LARGE1: variants seen among roughly 807,000 people sequenced by gnomAD.
LARGE1 encodes LARGE xylosyl- and glucuronyltransferase 1, also known as xylosyl- and glucuronyltransferase LARGE1.
In LARGE1, 43 loss-of-function variants were observed where a neutral mutation model predicts 87.6. That is an observed-to-expected ratio of 0.49 (90% CI 0.38 to 0.63). LARGE1 has a LOEUF of 0.63. Ranked by LOEUF, LARGE1 falls within the 30% of genes least tolerant of loss-of-function variation. The pLI is 0.00. For missense variants in LARGE1, 802 were observed against 1,000.2 expected (o/e 0.80, Z 2.67); for synonymous variants, 434 against 394.6 (o/e 1.10, Z -1.18).
At chr22:33,654,096 A>G (rs2080894183) in intron 2 of LARGE1, among the ~76,000 whole-genome samples, 1 of 152,144 alleles carries the variant, frequency 6.6e-6, no homozygotes, top group Admixed American at 6.5e-5. Context: ...AATGGTTTTA[A>G]CCAAATTTAA....
chr22:33,784,955 A>G (rs973480952), intron 1 of LARGE1, among the ~76,000 whole-genome samples: 10 of 151,374 alleles, frequency 6.6e-5, no homozygotes, highest in African/African-American at 2.2e-4. Flanking sequence ...ATACATGTGT[A>G]CATGGGTATA....
In LARGE1 at chr22:33,735,423, A is replaced by G. The variant is rs146317445; in HGVS notation, c.106+25948T>C. 1.1e-3 allele frequency among the ~76,000 whole-genome samples: 167 copies of G among 152,130 alleles called. 1 individual carries two copies. The highest frequency in any genetic ancestry group is 3.8e-3 in the African/African-American group (156 of 41,520). On this transcript the variant is annotated intron_variant, in intron 2 of 14. Coordinates refer to ENST00000397394, the MANE Select transcript of LARGE1 (RefSeq NM_133642.5). ...GCACACCTTAATAAACTTCTGTTTG[A>G]TTTTCTCCTGTTAATCTATCTTTTG...
intron 1 of LARGE1, among the ~76,000 whole-genome samples, chr22:33,786,122 C>T (rs981722115): frequency 6.6e-6 from 1 of 152,016 alleles, no homozygotes; most frequent in African/African-American, 2.4e-5. Flanking sequence ...TCAAGAAGTA[C>T]ATTGTCTTTT....
chr22:33,153,344 T>A, the LARGE1 span, among the ~76,000 whole-genome samples: 1 of 152,204 alleles, frequency 6.6e-6, no homozygotes, highest in Non-Finnish European at 1.5e-5. Flanking sequence ...GACTTTTTAT[T>A]TCTTGATTAT....
At chr22:33,618,112 T>C (rs2079633369) in intron 4 of LARGE1, among the ~76,000 whole-genome samples, 3 of 152,230 alleles carry the variant, frequency 2.0e-5, no homozygotes, top group Admixed American at 2.0e-4. Context: ...AGTGAATCTG[T>C]TGCACTTACA....
chr22:33,211,500 T>G (rs112020499), intron 11 of LARGE1, among the ~76,000 whole-genome samples: 3,428 of 152,024 alleles, frequency 0.023, 138 homozygotes, highest in African/African-American at 0.079. Flanking sequence ...AGGCTGGGCG[T>G]GGTGGCTCAA....
chr22:33,784,371 C>A (rs1376798355), intron 1 of LARGE1, among the ~76,000 whole-genome samples: 1 of 152,152 alleles, frequency 6.6e-6, no homozygotes, highest in African/African-American at 2.4e-5. Flanking sequence ...CTCGAAGTCA[C>A]AAGCCAGTAA....
chr22:33,797,929 T>C (rs1019832554), intron 1 of LARGE1, among the ~76,000 whole-genome samples: 4 of 152,230 alleles, frequency 2.6e-5, no homozygotes, highest in African/African-American at 9.6e-5. Flanking sequence ...CACAGAGGTG[T>C]TGCATGAATT....
At chr22:33,529,385 T>C (rs564417313) in intron 6 of LARGE1, among the ~76,000 whole-genome samples, 1 of 152,338 alleles carries the variant, frequency 6.6e-6, no homozygotes, top group African/African-American at 2.4e-5. Flanking sequence ...CCTAATTTAC[T>C]GTGGTTGCCC....
At chr22:33,089,321 T>TCTCTTCTTCTTCTTCTTCTTC in the LARGE1 span, among the ~76,000 whole-genome samples, 1 of 87,046 alleles carries the variant, frequency 1.1e-5, no homozygotes, top group Admixed American at 1.2e-4. Flanking sequence ...TTCTTTCTTC[T>TCTCTTCTTCTTCTTCTTCTTC]TTCTTCTTCT....
In LARGE1 at chr22:33,729,167, C is replaced by T. The variant is rs944964041; in HGVS notation, c.106+32204G>A. Among the ~76,000 whole-genome samples, 3 of 152,176 alleles carry T rather than the reference C, an allele frequency of 2.0e-5. No homozygotes were observed. The East Asian group carries it at 5.8e-4, about 29-fold the overall frequency. On this transcript the variant is annotated intron_variant, in intron 2 of 14. Coordinates refer to ENST00000397394, the MANE Select transcript of LARGE1 (RefSeq NM_133642.5). ...CCCTCCCCCAAAATGAGTTAACTTA[C>T]AATTAAAACACATGTATATAGAACA...
chr22:33,233,823 T>A (rs1378358209), intron 11 of LARGE1, among the ~76,000 whole-genome samples: 1 of 152,232 alleles, frequency 6.6e-6, no homozygotes, highest in African/African-American at 2.4e-5. Flanking sequence ...GTTGACAAGA[T>A]GATCTCTCTC....
At chr22:33,442,886 G>T (rs921254796) in intron 6 of LARGE1, among the ~76,000 whole-genome samples, 1 of 150,956 alleles carries the variant, frequency 6.6e-6, no homozygotes, top group African/African-American at 2.4e-5. Context: ...TCCGCCTCCC[G>T]GGTTCACGCC....
intron 6 of LARGE1, among the ~76,000 whole-genome samples, chr22:33,554,117 T>C (rs1208635435): frequency 1.3e-5 from 2 of 152,070 alleles, no homozygotes; most frequent in Non-Finnish European, 2.9e-5. Flanking sequence ...ACAATCAGGG[T>C]GAGTCCAGTG....
chr22:33,498,665 C>T (rs1169548708), intron 6 of LARGE1, among the ~76,000 whole-genome samples: 2 of 152,116 alleles, frequency 1.3e-5, no homozygotes, highest in African/African-American at 2.4e-5. Flanking sequence ...GATAGCAGGG[C>T]GTGTTCTTTA....
At chr22:33,605,534 T>C (rs2079228390) in intron 4 of LARGE1, among the ~76,000 whole-genome samples, 1 of 152,096 alleles carries the variant, frequency 6.6e-6, no homozygotes, top group Admixed American at 6.5e-5. Context: ...CTGTGTTGAT[T>C]AAATAAAATA....
At chr22:33,181,872 C>A (rs1051560414) in intron 11 of LARGE1, among the ~76,000 whole-genome samples, 3 of 141,592 alleles carry the variant, frequency 2.1e-5, no homozygotes, top group African/African-American at 8.2e-5. Context: ...GCTCTTTTAC[C>A]CAGGCTGTAA....
At chr22:33,673,831 G>A (rs1050799084) in intron 2 of LARGE1, among the ~76,000 whole-genome samples, 2 of 73,822 alleles carry the variant, frequency 2.7e-5, no homozygotes, top group Admixed American at 1.6e-4. Flanking sequence ...TGGGTTACAC[G>A]ACCACGCCCA....
chr22:33,093,508 A>T, the LARGE1 span, among the ~76,000 whole-genome samples: 1 of 152,138 alleles, frequency 6.6e-6, no homozygotes, highest in South Asian at 2.1e-4. Context: ...AGTAAACGTA[A>T]ATGGACCCAG....
Sources: gnomAD v4.1 joint callset for allele counts (sites outside exome capture counted in the v4.1 genomes callset) on GRCh38, gnomAD v4.1.1 for gene constraint, MANE v1.5 for transcripts, NCBI Gene and HGNC (gene_info 2026-07-23, HGNC 2026-07-21) for gene names.